KCNK9: variants seen among roughly 807,000 people sequenced by gnomAD.
KCNK9 encodes potassium channel subfamily K member 9.
Under a neutral mutation model 10.8 loss-of-function variants are expected in KCNK9, and 1 was observed. That is an observed-to-expected ratio of 0.09 (90% CI 0.03 to 0.44). The LOEUF is 0.44. KCNK9 is among the 20% of genes least tolerant of loss of function. The pLI, the probability that KCNK9 is intolerant of heterozygous loss-of-function variation, is 0.97. For synonymous variants in KCNK9, 231 were observed against 222.7 expected (o/e 1.04, Z -0.33); for missense variants, 303 against 515.0 (o/e 0.59, Z 3.98).
chr8:139,624,589 G>A (rs1346165452), intron 1 of KCNK9, among the ~76,000 whole-genome samples: 1 of 152,134 alleles, frequency 6.6e-6, no homozygotes, highest in Non-Finnish European at 1.5e-5. Flanking sequence ...GGCAGGGTGG[G>A]TAGATGTGAG....
At chr8:139,625,945 C>T (rs1814959216) in intron 1 of KCNK9, among the ~76,000 whole-genome samples, 2 of 152,314 alleles carry the variant, frequency 1.3e-5, no homozygotes, top group Non-Finnish European at 2.9e-5. Context: ...AGCTTCCCAG[C>T]TTCTCCTGTT....
At chr8:139,680,475 A>G (rs1161793262) in intron 1 of KCNK9, among the ~76,000 whole-genome samples, 2 of 152,194 alleles carry the variant, frequency 1.3e-5, no homozygotes, top group Non-Finnish European at 1.5e-5. Context: ...CCTCAGGCAC[A>G]GTCCTGGGCT....
chr8:139,687,122 T>C (rs1816806398), intron 1 of KCNK9, among the ~76,000 whole-genome samples: 1 of 151,964 alleles, frequency 6.6e-6, no homozygotes, highest in Non-Finnish European at 1.5e-5. Context: ...GACAACTAAT[T>C]CCAAATATTT....
intron 1 of KCNK9, among the ~76,000 whole-genome samples, chr8:139,695,070 C>T (rs1317578434): frequency 6.6e-6 from 1 of 152,258 alleles, no homozygotes; most frequent in Non-Finnish European, 1.5e-5. Context: ...TCAACCACCC[C>T]TTCCTTTCTT....
chr8:139,635,222 C>T (rs981779827), intron 1 of KCNK9, among the ~76,000 whole-genome samples: 8 of 152,214 alleles, frequency 5.3e-5, no homozygotes, highest in African/African-American at 1.7e-4. Context: ...GGGTGCCAGG[C>T]ACTGTTCTAA....
chr8:139,607,772 C>T (rs1401831832), downstream of KCNK9, among the ~76,000 whole-genome samples: 1 of 152,180 alleles, frequency 6.6e-6, no homozygotes, highest in Non-Finnish European at 1.5e-5. Context: ...AAGACTGGGC[C>T]CTGTCTCTCC....
intron 1 of KCNK9, among the ~76,000 whole-genome samples, chr8:139,676,701 A>G (rs1391754456): frequency 6.6e-6 from 1 of 152,218 alleles, no homozygotes; most frequent in Non-Finnish European, 1.5e-5. Flanking sequence ...CTGTAATCCC[A>G]GCACTTTGGA....
At chr8:139,624,303 A>T (rs1445949442) in intron 1 of KCNK9, among the ~76,000 whole-genome samples, 1 of 152,232 alleles carries the variant, frequency 6.6e-6, no homozygotes, top group Non-Finnish European at 1.5e-5. Context: ...TGCTGGTGAC[A>T]GACAGCACTG....
chr8:139,685,476 C>T (rs1355856344), intron 1 of KCNK9, among the ~76,000 whole-genome samples: 2 of 152,132 alleles, frequency 1.3e-5, no homozygotes, highest in Non-Finnish European at 2.9e-5. Context: ...TGTTCCCTTC[C>T]CTGTGTCCAT....
chr8:139,653,771 G>GA (rs1339820137), intron 1 of KCNK9, among the ~76,000 whole-genome samples: 1 of 152,174 alleles, frequency 6.6e-6, no homozygotes, highest in Non-Finnish European at 1.5e-5. Context: ...ATCAGCTCAA[G>GA]AAAAAATCCA....
At position 139,669,117 on chromosome 8, in the gene KCNK9, TA is replaced by T. The variant is rs11457017; in HGVS notation, c.283+33592del. Among the ~76,000 whole-genome samples the T allele has an allele frequency of 3.7e-3, 559 of 149,698 alleles. 5 individuals are homozygous for T. Among genetic ancestry groups the T allele is most frequent in the African/African-American group, 9.2e-3 (377 of 40,902 alleles). ...ACCTCAATTAAAAGTACTCTACTGC[TA>T]AAAAAAAAAATGCTAATGATCATCT... On this transcript the variant is annotated intron_variant, in intron 1 of 1. Coordinates refer to ENST00000520439, the MANE Select transcript of KCNK9 (RefSeq NM_001282534.2).
chr8:139,694,296 A>G (rs925269307), intron 1 of KCNK9, among the ~76,000 whole-genome samples: 11 of 152,300 alleles, frequency 7.2e-5, no homozygotes, highest in African/African-American at 1.9e-4. Context: ...CAAAGCTGCC[A>G]CTCACCAGCT....
At chr8:139,623,489 G>A (rs1050719340) in intron 1 of KCNK9, among the ~76,000 whole-genome samples, 4 of 152,128 alleles carry the variant, frequency 2.6e-5, no homozygotes, top group Non-Finnish European at 1.5e-5. Flanking sequence ...TGCCCAACAC[G>A]AGCAGGTGCG....
intron 1 of KCNK9, among the ~76,000 whole-genome samples, chr8:139,647,238 G>A (rs1039903182): frequency 6.6e-6 from 1 of 152,196 alleles, no homozygotes; most frequent in Non-Finnish European, 1.5e-5. Flanking sequence ...AGCTCTGAAG[G>A]TCCCAGGCTC....
At chr8:139,612,865 A>G (rs946254237), downstream of KCNK9, among the ~76,000 whole-genome samples, 4 of 152,114 alleles carry the variant, frequency 2.6e-5, no homozygotes, top group African/African-American at 9.7e-5. Context: ...GCATTATTCT[A>G]TAAGACCCTG....
At chr8:139,603,423 G>A (rs1208746200) in intron 2 of KCNK9, among the ~76,000 whole-genome samples, 2 of 152,024 alleles carry the variant, frequency 1.3e-5, no homozygotes, top group East Asian at 3.9e-4. Context: ...GATTAGCCAG[G>A]GACTCAAAAC....
downstream of KCNK9, chr8:139,615,805 C>A (rs187197965): frequency 6.6e-6 from 1 of 151,978 alleles, no homozygotes; most frequent in Non-Finnish European, 1.5e-5. Flanking sequence ...AATAGAGAAG[C>A]TCTGTTACCT....
downstream of KCNK9, among the ~76,000 whole-genome samples, chr8:139,614,042 T>G (rs767576915): frequency 1.6e-4 from 24 of 152,160 alleles, no homozygotes; most frequent in African/African-American, 4.1e-4. Flanking sequence ...GATGGTGGTT[T>G]TTTGGTCATT....
intron 1 of KCNK9, among the ~76,000 whole-genome samples, chr8:139,629,307 C>T (rs557540690): frequency 1.3e-5 from 2 of 152,366 alleles, no homozygotes; most frequent in Admixed American, 6.5e-5. Flanking sequence ...CAGCGTGCCC[C>T]AAGATGTTCT....
Sources: gnomAD v4.1 joint callset for allele counts (sites outside exome capture counted in the v4.1 genomes callset) on GRCh38, gnomAD v4.1.1 for gene constraint, MANE v1.5 for transcripts, NCBI Gene and HGNC (gene_info 2026-07-23, HGNC 2026-07-21) for gene names.